MDGA2: variants seen among roughly 807,000 people sequenced by gnomAD.
MDGA2 encodes the protein MAM domain containing glycosylphosphatidylinositol anchor 2.
Under a neutral mutation model 117.8 loss-of-function variants are expected in MDGA2, and 40 were observed. That is an observed-to-expected ratio of 0.34 (90% confidence interval 0.26 to 0.44). The LOEUF (loss-of-function observed/expected upper bound fraction) is 0.44, where lower values mean the gene tolerates loss of function less well. Ranked by LOEUF, MDGA2 falls within the 20% of genes least tolerant of loss-of-function variation. The probability of loss-of-function intolerance (pLI) is 1.00; values close to 1 mark genes in which losing one functional copy is unlikely to be tolerated. For synonymous variants in MDGA2, 452 were observed against 439.0 expected (o/e 1.03, Z -0.37); for missense variants, 1,123 against 1,250.6 (o/e 0.90, Z 1.54).
chr14:47,435,415 T>C (rs1043582354), intron 1 of MDGA2, among the ~76,000 whole-genome samples: 1 of 152,076 alleles, frequency 6.6e-6, no homozygotes, highest in Non-Finnish European at 1.5e-5. Context: ...ATTGTGCACA[T>C]TTTCACCTGG....
chr14:47,663,305 T>C (rs1566564513), intron 1 of MDGA2, among the ~76,000 whole-genome samples: 2 of 152,174 alleles, frequency 1.3e-5, no homozygotes, highest in African/African-American at 2.4e-5. Flanking sequence ...ATGGGAAAAA[T>C]CTTCTCAACT....
chr14:47,251,631 A>C (rs1029409694), intron 2 of MDGA2, among the ~76,000 whole-genome samples: 9 of 152,182 alleles, frequency 5.9e-5, no homozygotes, highest in African/African-American at 2.2e-4. Flanking sequence ...ACCACAAATA[A>C]ATATCACTTG....
At chr14:47,282,962 A>C (rs2139743777) in intron 2 of MDGA2, among the ~76,000 whole-genome samples, 2 of 152,200 alleles carry the variant, frequency 1.3e-5, no homozygotes, top group African/African-American at 4.8e-5. Context: ...TAAATAAATA[A>C]ATAACATACA....
At chr14:46,942,542 C>T (rs1885036235) in intron 9 of MDGA2, among the ~76,000 whole-genome samples, 1 of 152,002 alleles carries the variant, frequency 6.6e-6, no homozygotes, top group South Asian at 2.1e-4. Context: ...AAAGTTACCT[C>T]CTGCCCCTTC....
intron 3 of MDGA2, among the ~76,000 whole-genome samples, chr14:47,179,348 T>G (rs1252340899): frequency 2.6e-5 from 4 of 152,092 alleles, no homozygotes; most frequent in Non-Finnish European, 5.9e-5. Flanking sequence ...TATTTATATT[T>G]ACACTACATA....
intron 1 of MDGA2, among the ~76,000 whole-genome samples, chr14:47,654,644 T>C (rs1897709251): frequency 6.6e-6 from 1 of 151,058 alleles, no homozygotes; most frequent in African/African-American, 2.4e-5. Flanking sequence ...GTTCCAGTTA[T>C]GAAGAGATCT....
intron 10 of MDGA2, among the ~76,000 whole-genome samples, chr14:46,897,767 AG>A (rs1397499263): frequency 6.6e-6 from 1 of 151,992 alleles, no homozygotes; most frequent in Admixed American, 6.6e-5. Context: ...GAGTGCAGTG[AG>A]CAATTAATTT....
intron 8 of MDGA2, among the ~76,000 whole-genome samples, chr14:47,028,503 T>C (rs1594543120): frequency 2.0e-5 from 3 of 152,160 alleles, no homozygotes; most frequent in South Asian, 4.1e-4. Flanking sequence ...GAAAGAAATA[T>C]ATCATCTAAT....
intron 5 of MDGA2, among the ~76,000 whole-genome samples, chr14:47,103,991 A>T (rs970202990): frequency 6.6e-6 from 1 of 152,168 alleles, no homozygotes; most frequent in Non-Finnish European, 1.5e-5. Flanking sequence ...ACAAGAAGAG[A>T]AACAGCACAC....
chr14:46,918,891 A>G (rs1028944577), intron 10 of MDGA2, among the ~76,000 whole-genome samples: 6 of 151,184 alleles, frequency 4.0e-5, no homozygotes, highest in African/African-American at 1.5e-4. Context: ...CCTCCCGAGT[A>G]GCTGGGACTA....
chr14:47,571,798 C>T (rs527689238), intron 1 of MDGA2, among the ~76,000 whole-genome samples: 2 of 151,946 alleles, frequency 1.3e-5, no homozygotes, highest in South Asian at 4.1e-4. Context: ...AGGAGAAATA[C>T]CTAATGTAGA....
chr14:46,861,260 G>A lies in MDGA2; in HGVS notation c.2753-6106C>T, dbSNP rs112700053. On this transcript the variant is annotated intron_variant, in intron 14 of 16. Transcript: ENST00000399232. Reference sequence around the variant, plus strand: ...ACTATATGTCCTTCAGAATTCATGCGTTTTAATAAATACATGATTTAGTAA... The same window carrying A: ...ACTATATGTCCTTCAGAATTCATGCATTTTAATAAATACATGATTTAGTAA... Among the ~76,000 whole-genome samples, 8 of 151,816 alleles carry A rather than the reference G, an allele frequency of 5.3e-5. 1 individual carries two copies. The highest frequency in any genetic ancestry group is 2.1e-4 in the South Asian group (1 of 4,814).
intron 1 of MDGA2, among the ~76,000 whole-genome samples, chr14:47,382,041 T>C (rs1264896090): frequency 6.6e-6 from 1 of 152,048 alleles, no homozygotes; most frequent in Non-Finnish European, 1.5e-5. Flanking sequence ...CCCTCAAAAA[T>C]AATACCACAC....
chr14:47,309,097 T>C lies in MDGA2; in HGVS notation c.281-7547A>G, dbSNP rs542235995. ...GCACATAAGCTAAATGTTCAACTTG[T>C]ATATCTATTCAATAATTTCTTCAAA... On this transcript the variant is annotated intron_variant, in intron 1 of 16. Coordinates refer to ENST00000399232, the MANE Select transcript of MDGA2 (RefSeq NM_001113498.3). 2.3e-4 allele frequency among the ~76,000 whole-genome samples: 35 copies of C among 152,262 alleles called. 2 individuals are homozygous for C. The South Asian group carries it at 6.8e-3, about 30-fold the overall frequency.
intron 1 of MDGA2, among the ~76,000 whole-genome samples, chr14:47,415,289 C>T (rs1339316314): frequency 4.6e-5 from 7 of 152,244 alleles, no homozygotes; most frequent in South Asian, 2.1e-4. Context: ...ACAATAAACA[C>T]TAGCAATATT....
At chr14:46,994,973 C>T (rs977391730) in intron 8 of MDGA2, among the ~76,000 whole-genome samples, 1 of 152,010 alleles carries the variant, frequency 6.6e-6, no homozygotes, top group African/African-American at 2.4e-5. Context: ...TGTGGATACA[C>T]CCATATTGGT....
At chr14:46,851,388 GC>G (rs942390272) in intron 15 of MDGA2, among the ~76,000 whole-genome samples, 20 of 151,762 alleles carry the variant, frequency 1.3e-4, no homozygotes, top group African/African-American at 4.6e-4. Flanking sequence ...TGGAATTGTT[GC>G]CCTAATTTTT....
intron 10 of MDGA2, among the ~76,000 whole-genome samples, chr14:46,912,910 T>C (rs1048169201): frequency 2.6e-5 from 4 of 152,184 alleles, no homozygotes; most frequent in Admixed American, 6.5e-5. Flanking sequence ...ATTTGGAAGA[T>C]GAAGATAAAC....
rs149871615 is a variant in MDGA2, at chr14:47,227,214, A to G, written c.421-9019T>C. Among the ~76,000 whole-genome samples, 562 of 152,208 alleles carry G rather than the reference A, an allele frequency of 3.7e-3. 4 individuals are homozygous for G. The highest frequency in any genetic ancestry group is 0.013 in the African/African-American group (530 of 41,526). ...TTTCTCATGAAATAAGGTACTAGGGATTCAGAGTTACTTGCACTCAGAGGG... is the reference window on the plus strand; with the variant it reads ...TTTCTCATGAAATAAGGTACTAGGGGTTCAGAGTTACTTGCACTCAGAGGG... On this transcript the variant is annotated intron_variant, in intron 2 of 16. Coordinates refer to ENST00000399232, the MANE Select transcript of MDGA2 (RefSeq NM_001113498.3).
Sources: gnomAD v4.1 joint callset for allele counts (sites outside exome capture counted in the v4.1 genomes callset) on GRCh38, gnomAD v4.1.1 for gene constraint, MANE v1.5 for transcripts, NCBI Gene and HGNC (gene_info 2026-07-23, HGNC 2026-07-21) for gene names.